Variants in TCF4 observed in about 807,000 individuals in gnomAD.
TCF4 encodes transcription factor 4.
Under a neutral mutation model 82.1 loss-of-function variants are expected in TCF4, and 3 were observed. The ratio of observed to expected loss-of-function variants is 0.04; its 90% CI spans 0.02 to 0.09. TCF4 has a LOEUF of 0.09. Among genes scored for constraint, TCF4 ranks in the 10% least tolerant of loss-of-function variants. TCF4 has a pLI of 1.00. For missense variants in TCF4, 518 were observed against 852.7 expected, an observed-to-expected ratio of 0.61 and a Z score of 4.89; for synonymous variants, 276 against 309.6, an observed-to-expected ratio of 0.89 and a Z score of 1.14.
At chr18:55,228,416 G>A (rs1195113075) in intron 18 of TCF4, 55 bp from the exon 19 acceptor site, 46 of 1,603,504 alleles carry the variant, frequency 2.9e-5, no homozygotes, top group Non-Finnish European at 3.9e-5. Flanking sequence ...TCTGGCAGAG[G>A]GCAGCAATGC....
chr18:55,587,772 T>C (rs2097665092), intron 1 of TCF4, among the ~76,000 whole-genome samples: 1 of 147,052 alleles, frequency 6.8e-6, no homozygotes, highest in African/African-American at 2.5e-5. Flanking sequence ...CACCCTAATT[T>C]GTGAAAGAAA....
chr18:55,238,303 GT>G (rs1463223365), intron 15 of TCF4, among the ~76,000 whole-genome samples: 1 of 152,204 alleles, frequency 6.6e-6, no homozygotes, highest in Non-Finnish European at 1.5e-5. Flanking sequence ...GTATAATGCA[GT>G]TTTAGTGATA....
At position 55,633,467 on chromosome 18, in the gene TCF4, C is replaced by T. The variant is rs2148008055; in HGVS notation, c.196-2079G>A. Among the ~76,000 whole-genome samples the T allele has an allele frequency of 1.3e-5, 2 of 152,278 alleles. No homozygotes were observed. The highest frequency in any genetic ancestry group is 1.3e-4 in the Admixed American group (2 of 15,306). On this transcript the variant is annotated intron_variant, in intron 1 of 20. Coordinates refer to the TCF4 transcript ENST00000398339. This position sits in a 1 kb window ranked among gnomAD's most constrained non-coding sequence, Gnocchi z 4.0. ...TAGTTTAAGAAGTCACACACTGACA[C>T]CTCTGCCATGTCCTATTTGTTGCAA...
Position 55,282,823 on chromosome 18 carries a change from ATATC to A in TCF4, c.550-3171_550-3168del, listed in dbSNP as rs1453118460. ...ATGAGGAAAATCTAATGAGAAACAA[ATATC>A]TATCCTTGAATTTTTCTCCAATAAT... On this transcript the variant is annotated intron_variant, in intron 8 of 19. Coordinates refer to ENST00000354452, the MANE Select transcript of TCF4 (RefSeq NM_001083962.2). 2.0e-5 allele frequency among the ~76,000 whole-genome samples: 3 copies of A among 152,236 alleles called. No homozygotes were observed. In the South Asian group the frequency reaches 6.2e-4, roughly 32 times the overall value.
chr18:55,329,857 A>G (rs1037899885), intron 8 of TCF4, among the ~76,000 whole-genome samples: 2 of 152,240 alleles, frequency 1.3e-5, no homozygotes, highest in Non-Finnish European at 2.9e-5. Context: ...TTCAGGCATG[A>G]TTATCAAATG....
intron 5 of TCF4, among the ~76,000 whole-genome samples, chr18:55,411,794 A>T (rs1328217761): frequency 6.6e-6 from 1 of 152,126 alleles, no homozygotes; most frequent in African/African-American, 2.4e-5. Flanking sequence ...GCTGGAGTAC[A>T]GTGGCATGCA....
At chr18:55,237,619 A>G (rs1203181901) in intron 15 of TCF4, among the ~76,000 whole-genome samples, 7 of 53,944 alleles carry the variant, frequency 1.3e-4, no homozygotes, top group Non-Finnish European at 2.3e-4. Context: ...ACAGGCGCCC[A>G]CCACCACGCC....
intron 5 of TCF4, chr18:55,422,326 T>C (rs1165765939): frequency 9.1e-6 from 9 of 985,094 alleles, no homozygotes; most frequent in African/African-American, 7.0e-5. Flanking sequence ...CACAACATGC[T>C]GGGGCTTGGC....
In TCF4 at chr18:55,588,099, A is replaced by ACCGCCG. The variant is rs1484342037; in HGVS notation, c.-88_-83dup. 1 of 1,018,756 alleles carries ACCGCCG rather than the reference A, an allele frequency of 9.8e-7. No individual in the cohort carries two copies. The highest frequency in any genetic ancestry group is 1.2e-6 in the Non-Finnish European group (1 of 856,938). 63.1% of individuals were successfully genotyped at this position (1,018,756 alleles called of 1,614,324 possible). A position where few individuals can be genotyped will look rare whatever the true frequency, so the allele number is the denominator to read the frequency against. On this transcript the variant is annotated 5_prime_UTR_variant, in exon 1 of 20. Transcript: ENST00000354452. The stretch of plus-strand genomic sequence containing the variant: ...GGCGCCGAGGCGGCGTTCATGTCTA[A>ACCGCCG]CCGCCGCCGCCACCGCCGCCGCCTG...
At chr18:55,396,120 G>C (rs542841590) in intron 6 of TCF4, among the ~76,000 whole-genome samples, 1 of 152,094 alleles carries the variant, frequency 6.6e-6, no homozygotes, top group Non-Finnish European at 1.5e-5. Context: ...TTCTAGATGA[G>C]AACTAATATG....
chr18:55,548,032 C>A (rs940669210), intron 3 of TCF4, among the ~76,000 whole-genome samples: 2 of 152,192 alleles, frequency 1.3e-5, no homozygotes, highest in African/African-American at 4.8e-5. Flanking sequence ...CAGATGAAAC[C>A]CTTACTCCGC....
rs1263622870 is a variant in TCF4 at position 55,226,688 on chromosome 18, C to A, written c.*1347G>T. 2 of 149,468 alleles carry A rather than the reference C, an allele frequency of 1.3e-5. No individual in the cohort carries two copies. Among genetic ancestry groups the A allele is most frequent in the East Asian group, 1.9e-4 (1 of 5,178 alleles). The allele number at this position is 149,468 out of a possible 1,614,324, so 9.3% of individuals were successfully genotyped here. On this transcript the variant is annotated 3_prime_UTR_variant, in exon 20 of 20. Coordinates refer to ENST00000354452, the MANE Select transcript of TCF4 (RefSeq NM_001083962.2). ...TTAAGTCATCTACATTTTAGTAAAC[C>A]CATTTTGAAAAAAAAAATCAAGAAA...
chr18:55,232,067 C>T (rs1599484728), intron 17 of TCF4: 1 of 175,246 alleles, frequency 5.7e-6, no homozygotes, highest in East Asian at 1.5e-4. Context: ...CTCTTATATA[C>T]ATCAGCATGT....
At chr18:55,613,708 A>C (rs570202705) in intron 2 of TCF4, among the ~76,000 whole-genome samples, 1 of 152,300 alleles carries the variant, frequency 6.6e-6, no homozygotes, top group Admixed American at 6.5e-5. Flanking sequence ...CTGAACAGCT[A>C]GATCTCACAA....
chr18:55,315,699 T>C (rs889296131), intron 8 of TCF4, among the ~76,000 whole-genome samples: 1 of 152,136 alleles, frequency 6.6e-6, no homozygotes, highest in African/African-American at 2.4e-5. Flanking sequence ...ATGTGCCAAA[T>C]AGTTTATTAC....
intron 8 of TCF4, among the ~76,000 whole-genome samples, chr18:55,344,506 T>C (rs1448262089): frequency 6.6e-6 from 1 of 152,150 alleles, no homozygotes; most frequent in African/African-American, 2.4e-5. Flanking sequence ...CACCAAAATA[T>C]ACTCTTCAGT....
intron 11 of TCF4, 130 bp downstream of exon 11, chr18:55,269,701 T>A: frequency 8.4e-7 from 1 of 1,189,700 alleles, no homozygotes; most frequent in South Asian, 1.3e-5. Flanking sequence ...TACATTTGTG[T>A]GTTCATTCTG....
At chr18:55,552,336 A>G (rs2097267354) in intron 3 of TCF4, among the ~76,000 whole-genome samples, 1 of 152,228 alleles carries the variant, frequency 6.6e-6, no homozygotes, top group South Asian at 2.1e-4. Flanking sequence ...ACATAATTTA[A>G]GTTTAATCTT....
intron 3 of TCF4, among the ~76,000 whole-genome samples, chr18:55,575,265 T>TGG (rs1335526282): frequency 2.0e-5 from 3 of 152,194 alleles, no homozygotes; most frequent in African/African-American, 7.2e-5. Context: ...TTCAATGGTT[T>TGG]GGGGCACTAG....
Sources: allele counts gnomAD v4.1 joint callset (sites outside exome capture counted in the v4.1 genomes callset), GRCh38; gene constraint gnomAD v4.1.1; non-coding constraint Gnocchi (gnomAD v3.1); transcripts MANE v1.5; gene names NCBI Gene and HGNC (gene_info 2026-07-23, HGNC 2026-07-21).